PPP2R5E: variants seen among roughly 807,000 people sequenced by gnomAD.
PPP2R5E encodes the protein serine/threonine-protein phosphatase 2A 56 kDa regulatory subunit epsilon isoform.
In PPP2R5E, 4 loss-of-function variants were observed where a neutral mutation model predicts 65.3. The observed-to-expected ratio is 0.06, with a 90% confidence interval of 0.03 to 0.14. The LOEUF (loss-of-function observed/expected upper bound fraction) is 0.14, where lower values mean the gene tolerates loss of function less well. PPP2R5E is among the 10% of genes least tolerant of loss of function. The pLI, the probability that PPP2R5E is intolerant of heterozygous loss-of-function variation, is 1.00. For missense variants in PPP2R5E, 274 were observed against 556.1 expected, an observed-to-expected ratio of 0.49 and a Z score of 5.10; for synonymous variants, 183 against 187.4, an observed-to-expected ratio of 0.98 and a Z score of 0.19.
chr14:63,496,655 A>C (rs1287400460), intron 2 of PPP2R5E, among the ~76,000 whole-genome samples: 1 of 152,132 alleles, frequency 6.6e-6, no homozygotes, highest in East Asian at 1.9e-4. Flanking sequence ...AGTTTAATTT[A>C]GCAGAATCTC....
chr14:63,500,355 C>A (rs1891805715), intron 2 of PPP2R5E, among the ~76,000 whole-genome samples: 1 of 152,236 alleles, frequency 6.6e-6, no homozygotes, highest in East Asian at 1.9e-4. Context: ...CACCAAGGTG[C>A]CAAATGAAGA....
intron 2 of PPP2R5E, among the ~76,000 whole-genome samples, chr14:63,467,082 C>A (rs996055860): frequency 1.3e-5 from 2 of 151,672 alleles, no homozygotes; most frequent in African/African-American, 4.9e-5. Flanking sequence ...AAAAATTAGC[C>A]GGGCGTGGTG....
chr14:63,500,301 TTAAC>T (rs145749423), intron 2 of PPP2R5E, among the ~76,000 whole-genome samples: 2,006 of 152,298 alleles, frequency 0.013, 56 homozygotes, highest in East Asian at 0.11. Context: ...TATTTTGACT[TTAAC>T]TAAATCAGAT....
At chr14:63,528,793 T>C (rs1447951917) in intron 2 of PPP2R5E, among the ~76,000 whole-genome samples, 5 of 152,182 alleles carry the variant, frequency 3.3e-5, no homozygotes, top group Admixed American at 2.6e-4. Context: ...TAAGTCAACC[T>C]AAATGTGAAA....
intron 2 of PPP2R5E, among the ~76,000 whole-genome samples, chr14:63,467,230 AC>A (rs1183530486): frequency 0.024 from 3,330 of 138,440 alleles, 456 homozygotes; most frequent in African/African-American, 0.082. Flanking sequence ...CTCAAAAAAA[AC>A]AAACAAACAA....
intron 2 of PPP2R5E, among the ~76,000 whole-genome samples, chr14:63,484,577 C>T (rs180741812): frequency 2.4e-4 from 37 of 152,068 alleles, no homozygotes; most frequent in Non-Finnish European, 4.7e-4. Context: ...ATGACAAGAA[C>T]GAGGCTATTA....
At chr14:63,451,074 AC>A (rs1041125960) in intron 3 of PPP2R5E, among the ~76,000 whole-genome samples, 3 of 152,174 alleles carry the variant, frequency 2.0e-5, no homozygotes, top group Non-Finnish European at 4.4e-5. Flanking sequence ...TAGTACCACT[AC>A]CCTGGAAGAC....
chr14:63,383,482 C>T (rs1884486384), intron 12 of PPP2R5E, among the ~76,000 whole-genome samples: 1 of 152,186 alleles, frequency 6.6e-6, no homozygotes, highest in South Asian at 2.1e-4. Context: ...TGAGTAGTTA[C>T]AGACACTTGC....
In PPP2R5E at chr14:63,371,459, CTTCA is replaced by C. The variant is rs958066535; in HGVS notation, c.*4546_*4549del. 8 of 152,172 alleles carry C rather than the reference CTTCA, an allele frequency of 5.3e-5. No homozygotes were observed. The highest frequency in any genetic ancestry group is 1.4e-4 in the African/African-American group (6 of 41,438). 9.4% of individuals were successfully genotyped at this position (152,172 alleles called of 1,614,324 possible). ...GGTTACATTTCTTTTTGGGGAGCAC[CTTCA>C]TTTTTGTTTCTGTTACCACTTTGAA... is the stretch of plus-strand genomic sequence containing the variant. On this transcript the variant is annotated 3_prime_UTR_variant, in exon 14 of 14. Transcript: ENST00000337537.
At chr14:63,466,790 T>C (rs1285915077) in intron 2 of PPP2R5E, among the ~76,000 whole-genome samples, 1 of 152,014 alleles carries the variant, frequency 6.6e-6, no homozygotes, top group Non-Finnish European at 1.5e-5. Flanking sequence ...TATACATACA[T>C]ATGTGTATGT....
At chr14:63,495,431 A>G (rs1891502430) in intron 2 of PPP2R5E, among the ~76,000 whole-genome samples, 1 of 149,668 alleles carries the variant, frequency 6.7e-6, no homozygotes, top group African/African-American at 2.5e-5. Flanking sequence ...AAAAAAAAAA[A>G]AAATTAGCTG....
At chr14:63,456,915 C>T (rs1372134303) in intron 2 of PPP2R5E, among the ~76,000 whole-genome samples, 1 of 152,104 alleles carries the variant, frequency 6.6e-6, no homozygotes, top group Non-Finnish European at 1.5e-5. Flanking sequence ...GCAAAAGCTG[C>T]GATTTGTCCT....
At chr14:63,534,882 T>C (rs996723492) in intron 2 of PPP2R5E, among the ~76,000 whole-genome samples, 1 of 152,178 alleles carries the variant, frequency 6.6e-6, no homozygotes, top group Non-Finnish European at 1.5e-5. Flanking sequence ...TGTCTCCCTA[T>C]GTGCTGGGAT....
intron 2 of PPP2R5E, among the ~76,000 whole-genome samples, chr14:63,518,087 T>C (rs1041281364): frequency 2.0e-5 from 3 of 152,212 alleles, no homozygotes; most frequent in Non-Finnish European, 2.9e-5. Flanking sequence ...ATTAATTTTA[T>C]TTTTTAGAGA....
intron 2 of PPP2R5E, among the ~76,000 whole-genome samples, chr14:63,463,446 A>G (rs1191460199): frequency 6.6e-6 from 1 of 151,422 alleles, no homozygotes; most frequent in Non-Finnish European, 1.5e-5. Flanking sequence ...CCCAATATGT[A>G]TAAATATAAG....
intron 2 of PPP2R5E, among the ~76,000 whole-genome samples, chr14:63,525,796 A>C (rs1893163155): frequency 6.6e-6 from 1 of 152,184 alleles, no homozygotes; most frequent in Non-Finnish European, 1.5e-5. Context: ...AGGTGCAATA[A>C]ACTTAAAAGC....
chr14:63,418,726 G>C (rs934276024), intron 4 of PPP2R5E, among the ~76,000 whole-genome samples: 1 of 151,642 alleles, frequency 6.6e-6, no homozygotes, highest in Non-Finnish European at 1.5e-5. Flanking sequence ...AACTGAAAAG[G>C]TTGAATAACA....
intron 4 of PPP2R5E, among the ~76,000 whole-genome samples, chr14:63,420,720 G>A (rs944620219): frequency 5.3e-5 from 8 of 152,112 alleles, no homozygotes; most frequent in African/African-American, 1.9e-4. Flanking sequence ...ATATCTCTAG[G>A]CCTTCTCTCT....
chr14:63,388,285 C>T (rs1006734165), intron 11 of PPP2R5E, among the ~76,000 whole-genome samples: 5 of 151,998 alleles, frequency 3.3e-5, no homozygotes, highest in African/African-American at 7.2e-5. Context: ...GGATTACAGG[C>T]GCCCGCCACC....
Sources: allele counts gnomAD v4.1 joint callset (sites outside exome capture counted in the v4.1 genomes callset), GRCh38; gene constraint gnomAD v4.1.1; transcripts MANE v1.5; gene names NCBI Gene and HGNC (gene_info 2026-07-23, HGNC 2026-07-21).